FAM136A: variants seen among roughly 807,000 people sequenced by gnomAD.
The protein encoded by FAM136A is TIM double twin CX3C motif protein.
A neutral mutation model predicts 21.6 loss-of-function variants in FAM136A; 25 were observed. That is an observed-to-expected ratio of 1.16 (90% confidence interval 0.84 to 1.62). The LOEUF (loss-of-function observed/expected upper bound fraction) is 1.62, where lower values mean the gene tolerates loss of function less well. Among genes scored for constraint, FAM136A ranks in the 40% most tolerant of loss-of-function variants. FAM136A has a pLI of 0.00. For synonymous variants in FAM136A, 119 were observed against 129.4 expected, an observed-to-expected ratio of 0.92 and a Z score of 0.55; for missense variants, 338 against 332.0, an observed-to-expected ratio of 1.02 and a Z score of -0.14.
Position 70,300,979 on chromosome 2 carries a change from C to A in FAM136A, c.410G>T (p.Gly137Val). 6.2e-7 allele frequency: 1 copy of A among 1,609,412 alleles called. No individual in the cohort carries two copies. Among genetic ancestry groups the A allele is most frequent in the South Asian group, 1.1e-5 (1 of 90,932 alleles). The change falls in exon 2 of 3, where the codon GGT (glycine) becomes GTT (valine). Residue 137 changes from glycine to valine, a missense_variant and splice_region_variant. Physicochemically the swap from Gly to Val is moderately radical, Grantham distance 109. Transcript: ENST00000430566. ...PSPLTRPLPQ[G>V]LMFRCSASCC... ...GCTGGCGCTGCACCGGAACATGAGA[C>A]CCTGGGGAGAAAGGGCAGAGAGGTT...
At chr2:70,301,076 G>T in intron 1 of FAM136A, 96 bp from the exon 2 acceptor site, 1 of 1,384,558 alleles carries the variant, frequency 7.2e-7, no homozygotes, top group Non-Finnish European at 9.9e-7. Context: ...GTGGATATTT[G>T]CACCTCTCTC....
chr2:70,300,872 C>T lies in FAM136A; in HGVS notation c.517G>A (p.Ala173Thr). The change falls in exon 2 of 3, where the codon GCT becomes ACT. Residue 173 changes from alanine to threonine, a missense_variant. Ala to Thr is a moderately conservative substitution (Grantham distance 58, BLOSUM62 0). Transcript: ENST00000430566. Reference sequence around the variant, plus strand: ...TTCTCCAGCTCACTGGTGACCAAAGCCTGGGCTTGAGCCAGAGGCACATGG... The same window carrying T: ...TTCTCCAGCTCACTGGTGACCAAAGTCTGGGCTTGAGCCAGAGGCACATGG... ...RCHVPLAQAQ[A>T]LVTSELEKFQ... 1 of 1,613,054 alleles carries T rather than the reference C, an allele frequency of 6.2e-7. No individual in the cohort carries two copies. Among genetic ancestry groups the T allele is most frequent in the East Asian group, 2.2e-5 (1 of 44,832 alleles).
intron 2 of FAM136A, among the ~76,000 whole-genome samples, chr2:70,300,252 G>A (rs1241896197): frequency 6.6e-6 from 1 of 152,112 alleles, no homozygotes; most frequent in African/African-American, 2.4e-5. Context: ...TATGTCAAAA[G>A]GAACAAACAA....
chr2:70,297,621 G>GTT (rs55803921), intron 2 of FAM136A, 144 bp from the exon 3 acceptor site: 23,458 of 246,682 alleles, frequency 0.095, 1,183 homozygotes, highest in African/African-American at 0.24. Context: ...GATTGGCCAA[G>GTT]TTTTTTTTTT....
intron 1 of FAM136A, 52 bp downstream of exon 1, chr2:70,301,552 C>T (rs1478893496): frequency 3.3e-6 from 5 of 1,536,004 alleles, no homozygotes; most frequent in Non-Finnish European, 4.4e-6. Flanking sequence ...AAGTCCTCGC[C>T]TTTCTGGTCT....
intron 2 of FAM136A, among the ~76,000 whole-genome samples, chr2:70,298,981 G>A (rs1697324836): frequency 6.6e-6 from 1 of 152,198 alleles, no homozygotes; most frequent in Non-Finnish European, 1.5e-5. Flanking sequence ...AAGTCCACTT[G>A]GAGAGGACTA....
chr2:70,298,122 C>T (rs575077635), intron 2 of FAM136A, among the ~76,000 whole-genome samples: 35 of 149,708 alleles, frequency 2.3e-4, no homozygotes, highest in Non-Finnish European at 4.0e-4. Flanking sequence ...GACGGAGTTT[C>T]GCTCTTGTTG....
rs1697260390 is a variant in FAM136A at position 70,296,820 on chromosome 2, T to TA, written c.*468dup. The TA allele has an allele frequency of 6.5e-6, 1 of 152,946 alleles. No individual in the cohort carries two copies. The highest frequency in any genetic ancestry group is 2.4e-5 in the African/African-American group (1 of 41,476). The allele number at this position is 152,946 out of a possible 1,614,324, so 9.5% of individuals were successfully genotyped here. A position where few individuals can be genotyped will look rare whatever the true frequency, so the allele number is the denominator to read the frequency against. On this transcript the variant is annotated 3_prime_UTR_variant, in exon 3 of 3. Transcript: ENST00000430566. Reference sequence around the variant, plus strand: ...AGAAAACTTTCTTTCCCTTCTAAGTTAGTGACCTCATTGATTTTGTTTCAC... The same window carrying TA: ...AGAAAACTTTCTTTCCCTTCTAAGTTAAGTGACCTCATTGATTTTGTTTCAC...
Position 70,300,969 on chromosome 2 carries a change from G to GA in FAM136A, c.419dup (p.Arg141ProfsTer8). On this transcript the variant is annotated frameshift_variant, in exon 2 of 3. Transcript: ENST00000430566. LOFTEE classifies it high-confidence loss of function. Reference sequence around the variant, plus strand: ...CCTCACAACAGCTGGCGCTGCACCGGAACATGAGACCCTGGGGAGAAAGGG... The same window carrying GA: ...CCTCACAACAGCTGGCGCTGCACCGGAAACATGAGACCCTGGGGAGAAAGGG... 6.2e-7 allele frequency: 1 copy of GA among 1,611,670 alleles called. No homozygotes were observed. The highest frequency in any genetic ancestry group is 8.5e-7 in the Non-Finnish European group (1 of 1,177,976).
chr2:70,301,443 A>C, intron 1 of FAM136A, 161 bp downstream of exon 1: 1 of 1,535,558 alleles, frequency 6.5e-7, no homozygotes, highest in East Asian at 2.4e-5. Flanking sequence ...ACACAGAGGC[A>C]TTGCGGGGCT....
At position 70,296,843 on chromosome 2, in the gene FAM136A, C is replaced by G. The variant is rs1415645525; in HGVS notation, c.*446G>C. On this transcript the variant is annotated 3_prime_UTR_variant, in exon 3 of 3. Transcript: ENST00000430566. ...GTTAGTGACCTCATTGATTTTGTTT[C>G]ACAGCTTATGGAAGATGGTGGGGTG... The G allele has an allele frequency of 6.5e-6, 1 of 153,424 alleles. No homozygotes were observed. The highest frequency in any genetic ancestry group is 1.5e-5 in the Non-Finnish European group (1 of 68,858). 9.5% of individuals were successfully genotyped at this position (153,424 alleles called of 1,614,324 possible).
intron 2 of FAM136A, among the ~76,000 whole-genome samples, chr2:70,297,768 G>C (rs1697295019): frequency 6.6e-6 from 1 of 151,492 alleles, no homozygotes; most frequent in South Asian, 2.1e-4. Flanking sequence ...AAGTAGCTAG[G>C]ACCACAGGCA....
chr2:70,301,217 C>A, intron 1 of FAM136A: 1 of 802,054 alleles, frequency 1.2e-6, no homozygotes. Context: ...GCACCTGTTG[C>A]ACCGATGGTT....
intron 2 of FAM136A, among the ~76,000 whole-genome samples, chr2:70,299,988 G>A (rs752958266): frequency 2.2e-4 from 34 of 151,270 alleles, no homozygotes; most frequent in Non-Finnish European, 2.7e-4. Context: ...TGCAACCTGC[G>A]CCTTCCAGTT....
In FAM136A at chr2:70,301,639, G is replaced by C; in HGVS notation, c.373C>G (p.Pro125Ala). 2 of 1,535,716 alleles carry C rather than the reference G, an allele frequency of 1.3e-6. No individual in the cohort carries two copies. The highest frequency in any genetic ancestry group is 8.7e-7 in the Non-Finnish European group (1 of 1,146,664). Residue 125 changes from proline (P) to alanine (A), a missense_variant, in exon 1 of 3, where the codon CCA becomes GCA. Physicochemically the swap from Pro to Ala is conservative, Grantham distance 27. Transcript: ENST00000430566. ...GGCCGCGTAAGAGGGGAAGGTGGTGGGGCGAGCGCCTGCCACCAGGGGCTT... is the reference window on the plus strand; with the variant it reads ...GGCCGCGTAAGAGGGGAAGGTGGTGCGGCGAGCGCCTGCCACCAGGGGCTT... ...VGSPWWQALA[P>A]PPSPLTRPLP...
chr2:70,298,092 G>C (rs1041074163), intron 2 of FAM136A, among the ~76,000 whole-genome samples: 16 of 151,784 alleles, frequency 1.1e-4, no homozygotes, highest in Non-Finnish European at 1.8e-4. Flanking sequence ...CAAACATCTT[G>C]ATTCTTTTTT....
At chr2:70,298,915 G>A (rs1028750081) in intron 2 of FAM136A, among the ~76,000 whole-genome samples, 4 of 152,230 alleles carry the variant, frequency 2.6e-5, no homozygotes, top group Admixed American at 1.3e-4. Context: ...AATGACCCCC[G>A]GATTCGGCCC....
chr2:70,297,964 C>T (rs1321187382), intron 2 of FAM136A, among the ~76,000 whole-genome samples: 1 of 151,404 alleles, frequency 6.6e-6, no homozygotes, highest in Non-Finnish European at 1.5e-5. Context: ...TTGACTCAAA[C>T]AGAAGATGGC....
rs769914832 is a variant in FAM136A at position 70,297,491 on chromosome 2, G to A, written c.550-14C>T. 6.2e-7 allele frequency: 1 copy of A among 1,606,774 alleles called. No individual in the cohort carries two copies. The highest frequency in any genetic ancestry group is 1.3e-5 in the African/African-American group (1 of 74,698). On this transcript the variant is annotated splice_polypyrimidine_tract_variant and intron_variant, in intron 2 of 2. Coordinates refer to ENST00000430566, the MANE Select transcript of FAM136A (RefSeq NM_001329752.2). Reference sequence around the variant, plus strand: ...GGCCAGGCGGTCCTGTGGCAAGAAGGAAGAACGTAGAAAAAGCTGAGAGTA... The same window carrying A: ...GGCCAGGCGGTCCTGTGGCAAGAAGAAAGAACGTAGAAAAAGCTGAGAGTA...
Sources: gnomAD v4.1 joint callset for allele counts (sites outside exome capture counted in the v4.1 genomes callset) on GRCh38, gnomAD v4.1.1 for gene constraint, MANE v1.5 for transcripts, NCBI Gene and HGNC (gene_info 2026-07-23, HGNC 2026-07-21) for gene names.